Variants in CALN1 observed in about 807,000 individuals in gnomAD.
The protein encoded by CALN1 is calneuron 1.
CALN1 carries 17 observed loss-of-function variants against 30.6 expected under a neutral mutation model. The ratio of observed to expected loss-of-function variants is 0.56; its 90% CI spans 0.38 to 0.83. The LOEUF (loss-of-function observed/expected upper bound fraction) is 0.83. CALN1 is among the 40% of genes least tolerant of loss of function. The pLI, the probability that CALN1 is intolerant of heterozygous loss-of-function variation, is 0.00. For missense variants in CALN1, 291 were observed against 354.9 expected (o/e 0.82, Z 1.45); for synonymous variants, 156 against 131.4 (o/e 1.19, Z -1.28).
chr7:71,844,129 A>G (rs764694978), intron 5 of CALN1, among the ~76,000 whole-genome samples: 3 of 152,200 alleles, frequency 2.0e-5, no homozygotes, highest in Non-Finnish European at 4.4e-5. Context: ...AGAGCAGGCT[A>G]CAAAAGACAG....
At chr7:72,328,643 T>C (rs1801448863) in intron 2 of CALN1, among the ~76,000 whole-genome samples, 2 of 152,240 alleles carry the variant, frequency 1.3e-5, no homozygotes, top group South Asian at 4.1e-4. Context: ...AAGTGTTTTG[T>C]AGATATAGTC....
chr7:72,102,192 C>T (rs1471457365), intron 4 of CALN1, among the ~76,000 whole-genome samples: 4 of 152,098 alleles, frequency 2.6e-5, no homozygotes, highest in African/African-American at 7.2e-5. Flanking sequence ...TGCCTGTAAT[C>T]CCAGCACTTT....
intron 2 of CALN1, among the ~76,000 whole-genome samples, chr7:72,307,545 C>A (rs1799736236): frequency 6.6e-6 from 1 of 152,190 alleles, no homozygotes; most frequent in Non-Finnish European, 1.5e-5. Flanking sequence ...GAAGTCACAG[C>A]CTGTGGCCTC....
At chr7:71,899,965 C>T (rs1212949510) in intron 5 of CALN1, among the ~76,000 whole-genome samples, 1 of 152,182 alleles carries the variant, frequency 6.6e-6, no homozygotes, top group Non-Finnish European at 1.5e-5. Context: ...AACTATTTAA[C>T]TCATCACTAT....
intron 2 of CALN1, among the ~76,000 whole-genome samples, chr7:72,374,702 T>C (rs560473996): frequency 6.6e-6 from 1 of 152,278 alleles, no homozygotes; most frequent in East Asian, 1.9e-4. Flanking sequence ...AACAAGGAAA[T>C]GGTATCCCCT....
intron 3 of CALN1, among the ~76,000 whole-genome samples, chr7:72,121,086 T>C (rs1808341697): frequency 1.4e-5 from 2 of 147,158 alleles, no homozygotes; most frequent in East Asian, 2.0e-4. Context: ...TTATAACTTA[T>C]ATATGAATTA....
rs1792948696 is a variant in CALN1, at chr7:71,785,639, T to TCCCTTCAAGATCTGCTATG, written c.*2117_*2135dup. The TCCCTTCAAGATCTGCTATG allele has an allele frequency of 6.6e-6, 1 of 152,160 alleles. No individual in the cohort carries two copies. The highest frequency in any genetic ancestry group is 1.5e-5 in the Non-Finnish European group (1 of 68,070). The allele number at this position is 152,160 out of a possible 1,614,324, so 9.4% of individuals were successfully genotyped here. On this transcript the variant is annotated 3_prime_UTR_variant, in exon 7 of 7. Transcript: ENST00000395275. ...GGTCAGGGAAAAACAGGAAAGTATATCCCTTCAAGATCTGCTATGCCCTCC... is the reference window on the plus strand; with the variant it reads ...GGTCAGGGAAAAACAGGAAAGTATATCCCTTCAAGATCTGCTATGCCCTTCAAGATCTGCTATGCCCTCC...
intron 3 of CALN1, among the ~76,000 whole-genome samples, chr7:72,165,185 C>A (rs1788435590): frequency 6.6e-6 from 1 of 152,108 alleles, no homozygotes; most frequent in Non-Finnish European, 1.5e-5. Context: ...TGGTATCTGC[C>A]CACCAGAACC....
At chr7:72,034,284 G>A (rs111295331) in intron 4 of CALN1, among the ~76,000 whole-genome samples, 4,173 of 151,142 alleles carry the variant, frequency 0.028, 191 homozygotes, top group African/African-American at 0.096. Context: ...AACCCAGGAG[G>A]CGGAGCTTGC....
chr7:72,462,362 T>C, the CALN1 span, among the ~76,000 whole-genome samples: 2 of 152,112 alleles, frequency 1.3e-5, no homozygotes, highest in Non-Finnish European at 2.9e-5. Flanking sequence ...TTTCTCTATC[T>C]TTTTTAAAGC....
intron 4 of CALN1, among the ~76,000 whole-genome samples, chr7:72,027,658 C>T (rs1057268081): frequency 3.3e-5 from 5 of 151,318 alleles, no homozygotes; most frequent in African/African-American, 9.7e-5. Context: ...TTGCAGTGAG[C>T]TAAGATGGCA....
At chr7:72,190,401 G>T (rs1228166965) in intron 3 of CALN1, among the ~76,000 whole-genome samples, 1 of 152,140 alleles carries the variant, frequency 6.6e-6, no homozygotes, top group African/African-American at 2.4e-5. Flanking sequence ...ACACTGAGAA[G>T]CTGTAACCAG....
At chr7:72,318,323 C>T (rs932995665) in intron 2 of CALN1, among the ~76,000 whole-genome samples, 1 of 152,156 alleles carries the variant, frequency 6.6e-6, no homozygotes, top group East Asian at 1.9e-4. Flanking sequence ...CATTCTTCTC[C>T]TACTACCAAC....
intron 4 of CALN1, among the ~76,000 whole-genome samples, chr7:72,065,378 C>A (rs844755): frequency 0.012 from 1,775 of 151,992 alleles, 37 homozygotes; most frequent in African/African-American, 0.041. Flanking sequence ...CCTCCCCGCC[C>A]CCCTGCCCCT....
At chr7:71,900,897 C>T (rs917375877) in intron 5 of CALN1, among the ~76,000 whole-genome samples, 1 of 152,174 alleles carries the variant, frequency 6.6e-6, no homozygotes, top group Non-Finnish European at 1.5e-5. Context: ...AGTAACTGTG[C>T]ACGTGGGCCC....
At chr7:71,925,805 A>G (rs900976629) in intron 5 of CALN1, among the ~76,000 whole-genome samples, 1 of 152,106 alleles carries the variant, frequency 6.6e-6, no homozygotes, top group Non-Finnish European at 1.5e-5. Context: ...GCCAAACTGG[A>G]GAAAGAGGCA....
intron 4 of CALN1, among the ~76,000 whole-genome samples, chr7:72,065,522 C>A (rs1803960208): frequency 6.6e-6 from 1 of 152,158 alleles, no homozygotes; most frequent in Non-Finnish European, 1.5e-5. Flanking sequence ...TTCACCTATT[C>A]TTCTCTATAA....
intron 2 of CALN1, among the ~76,000 whole-genome samples, chr7:72,288,954 G>C (rs960701594): frequency 6.6e-6 from 1 of 152,118 alleles, no homozygotes; most frequent in African/African-American, 2.4e-5. Flanking sequence ...CTTTGTTCCA[G>C]ATTCAATTTC....
chr7:72,219,702 ACACACACGCACGTG>A lies in CALN1; in HGVS notation c.244+58970_244+58983del, dbSNP rs975620786. Among the ~76,000 whole-genome samples the A allele has an allele frequency of 2.6e-5, 4 of 152,020 alleles. No individual in the cohort carries two copies. The East Asian group carries it at 5.8e-4, about 22-fold the overall frequency. ...GCATACACATGCACACATGCAATGC[ACACACACGCACGTG>A]CACACATACACACAAGCATGCACGC... On this transcript the variant is annotated intron_variant, in intron 3 of 6. Transcript: ENST00000395275.
Sources: allele counts gnomAD v4.1 joint callset (sites outside exome capture counted in the v4.1 genomes callset), GRCh38; gene constraint gnomAD v4.1.1; transcripts MANE v1.5; gene names NCBI Gene and HGNC (gene_info 2026-07-23, HGNC 2026-07-21).